The following ZNF780A variants were observed in gnomAD, a reference collection of about 807,000 sequenced individuals.
ZNF780A encodes zinc finger protein 780A.
In ZNF780A, 40 loss-of-function variants were observed where a neutral mutation model predicts 56.7. That is an observed-to-expected ratio of 0.71 (90% CI 0.55 to 0.92). The LOEUF (loss-of-function observed/expected upper bound fraction) is 0.92. ZNF780A is among the 40% of genes least tolerant of loss of function. The pLI, the probability that ZNF780A is intolerant of heterozygous loss-of-function variation, is 0.00. For missense variants in ZNF780A, 672 were observed against 783.3 expected (o/e 0.86, Z 1.70); for synonymous variants, 231 against 248.3 (o/e 0.93, Z 0.66).
chr19:40,089,788 G>A (rs976184509), intron 2 of ZNF780A, among the ~76,000 whole-genome samples: 2 of 152,036 alleles, frequency 1.3e-5, no homozygotes, highest in Non-Finnish European at 2.9e-5. Context: ...TTCCACTACC[G>A]AATGCCTCAC....
At position 40,075,797 on chromosome 19, in the gene ZNF780A, A is replaced by G. The variant is rs763416951; in HGVS notation, c.645T>C (p.His215=). ...HIQFTRHQKF[H]TGEKPFECNE... is the part of the protein sequence containing the mutation. ...TACATTCAAAAGGTTTCTCACCAGT[A>G]TGAAATTTCTGATGTCGAGTAAATT... Residue 215 remains histidine (H), a synonymous_variant, in exon 6 of 6, where the codon CAT becomes CAC. Transcript: ENST00000683561. 6.2e-7 allele frequency: 1 copy of G among 1,614,042 alleles called. No individual in the cohort carries two copies. The highest frequency in any genetic ancestry group is 8.5e-7 in the Non-Finnish European group (1 of 1,179,968).
chr19:40,076,233 C>T (rs372463483), intron 5 of ZNF780A, 24 bp from the exon 6 acceptor site: 45 of 1,527,388 alleles, frequency 2.9e-5, no homozygotes, highest in Admixed American at 4.6e-5. Context: ...AGAAAGCAAA[C>T]CTATTTTATT....
At position 40,075,336 on chromosome 19, in the gene ZNF780A, G is replaced by T. The variant is rs773036062; in HGVS notation, c.1106C>A (p.Ala369Asp). 1 of 1,613,826 alleles carries T rather than the reference G, an allele frequency of 6.2e-7. No homozygotes were observed. The highest frequency in any genetic ancestry group is 8.5e-7 in the Non-Finnish European group (1 of 1,179,976). ...KPFECRECGK[A>D]FSLLNQLNRH... ...ATTAAGCTGGTTGAGAAGACTAAAG[G>T]CCTTCCCACATTCCCTGCATTCAAA... Residue 369 changes from alanine to aspartate, a missense_variant, in exon 6 of 6, where the codon GCC becomes GAC. By Grantham distance (126) the Ala-to-Asp change is moderately radical. Coordinates refer to ENST00000683561, the MANE Select transcript of ZNF780A (RefSeq NM_001142578.2).
chr19:40,074,218 C>T lies in ZNF780A; in HGVS notation c.*298G>A. ...TCGCCAGTATGAATGACCTGAAGTCCAGCAAGCTGTGTCAGAAAACTGAAG... is the reference window on the plus strand; with the variant it reads ...TCGCCAGTATGAATGACCTGAAGTCTAGCAAGCTGTGTCAGAAAACTGAAG... On this transcript the variant is annotated 3_prime_UTR_variant, in exon 6 of 6. Transcript: ENST00000683561. 1 of 1,421,876 alleles carries T rather than the reference C, an allele frequency of 7.0e-7. No homozygotes were observed. Among genetic ancestry groups the T allele is most frequent in the Non-Finnish European group, 9.3e-7 (1 of 1,078,220 alleles). The allele number at this position is 1,421,876 out of a possible 1,614,324, so 88.1% of individuals were successfully genotyped here.
intron 2 of ZNF780A, among the ~76,000 whole-genome samples, chr19:40,086,941 G>A (rs1974834510): frequency 6.6e-6 from 1 of 152,090 alleles, no homozygotes; most frequent in Non-Finnish European, 1.5e-5. Flanking sequence ...GACCTCAAAT[G>A]ATCTGCCTGC....
chr19:40,076,609 A>G (rs1974147854), intron 5 of ZNF780A, among the ~76,000 whole-genome samples: 1 of 152,202 alleles, frequency 6.6e-6, no homozygotes, highest in Non-Finnish European at 1.5e-5. Context: ...CTCACATTGG[A>G]AAAGAAAATC....
chr19:40,079,175 G>A (rs1195223441), intron 5 of ZNF780A, among the ~76,000 whole-genome samples: 2 of 152,074 alleles, frequency 1.3e-5, no homozygotes, highest in African/African-American at 4.8e-5. Context: ...AACCAAAAGT[G>A]AGCAGGAATA....
rs756234237 is a variant in ZNF780A at position 40,076,162 on chromosome 19, T to C, written c.280A>G (p.Thr94Ala). The change falls in exon 6 of 6, where the codon ACC (threonine) becomes GCC (alanine). Residue 94 changes from threonine to alanine, a missense_variant. Physicochemically the swap from Thr to Ala is moderately conservative, Grantham distance 58. Transcript: ENST00000683561. ...TGTTTGGGTAAATTTACTTCAGAGGTATCATTTTCTGGAGATACTTTCTCA... is the reference window on the plus strand; with the variant it reads ...TGTTTGGGTAAATTTACTTCAGAGGCATCATTTTCTGGAGATACTTTCTCA... ...GPEKVSPEND[T>A]SEVNLPKQVI... 1 of 1,584,186 alleles carries C rather than the reference T, an allele frequency of 6.3e-7. No homozygotes were observed. Among genetic ancestry groups the C allele is most frequent in the South Asian group, 1.2e-5 (1 of 85,554 alleles).
Position 40,075,425 on chromosome 19 carries a change from T to C in ZNF780A, c.1017A>G (p.Gly339=). 6.2e-7 allele frequency: 1 copy of C among 1,613,906 alleles called. No homozygotes were observed. The stretch of plus-strand genomic sequence containing the variant: ...GCTTTGTCAGAAGAGTAAACGCCTT[T>C]CCACATTCTTTACATTCAAAGGGTT... ...GEKPFECKEC[G]KAFTLLTKLV... is the part of the protein sequence containing the mutation. Residue 339 remains glycine, a synonymous_variant, in exon 6 of 6, where the codon GGA becomes GGG. Transcript: ENST00000683561.
At chr19:40,072,695 G>T, downstream of ZNF780A, 59 of 909,686 alleles carry the variant, frequency 6.5e-5, no homozygotes, top group Middle Eastern at 2.5e-4. Context: ...AAGGAGAAAT[G>T]TTCTAGGTCA....
chr19:40,078,908 A>G (rs1452817146), intron 5 of ZNF780A, among the ~76,000 whole-genome samples: 1 of 152,218 alleles, frequency 6.6e-6, no homozygotes, highest in Non-Finnish European at 1.5e-5. Flanking sequence ...ACAATGATGA[A>G]AAATAAAAGA....
chr19:40,075,028 G>C lies in ZNF780A; in HGVS notation c.1414C>G (p.Pro472Ala), dbSNP rs1006472980. The C allele has an allele frequency of 1.2e-6, 2 of 1,614,124 alleles. No homozygotes were observed. Among genetic ancestry groups the C allele is most frequent in the Non-Finnish European group, 1.7e-6 (2 of 1,180,022 alleles). Residue 472 changes from proline (P) to alanine (A), a missense_variant, in exon 6 of 6, where the codon CCA becomes GCA. Pro to Ala is a conservative substitution (Grantham distance 27). Coordinates refer to ENST00000683561, the MANE Select transcript of ZNF780A (RefSeq NM_001142578.2). ...EHSRIHTGDK[P>A]FECQDCGKAF... ...TTCCCACAGTCTTGACATTCAAATGGCTTGTCACCAGTATGAATTCGAGAA... is the reference window on the plus strand; with the variant it reads ...TTCCCACAGTCTTGACATTCAAATGCCTTGTCACCAGTATGAATTCGAGAA...
chr19:40,075,957 T>C lies in ZNF780A; in HGVS notation c.485A>G (p.His162Arg), dbSNP rs367550005. Residue 162 changes from histidine (H) to arginine (R), a missense_variant, in exon 6 of 6, where the codon CAT becomes CGT. Physicochemically the swap from His to Arg is conservative, Grantham distance 29. Transcript: ENST00000683561. ...ACATTCCTTACATTCATACGGTTTATGTGTATTGCAAATAAGAGAAGCATG... is the reference window on the plus strand; with the variant it reads ...ACATTCCTTACATTCATACGGTTTACGTGTATTGCAAATAAGAGAAGCATG... ...TPHASLICNT[H>R]KPYECKECGK... The C allele has an allele frequency of 3.1e-6, 5 of 1,613,600 alleles. No homozygotes were observed. Among genetic ancestry groups the C allele is most frequent in the South Asian group, 1.1e-5 (1 of 90,958 alleles).
In ZNF780A at chr19:40,081,908, G is replaced by C. The variant is rs1420233385; in HGVS notation, c.143C>G (p.Ser48Cys). The C allele has an allele frequency of 2.5e-6, 4 of 1,602,386 alleles. No individual in the cohort carries two copies. The African/African-American group carries it at 5.4e-5, about 22-fold the overall frequency. ...CGTAATTACATCTGGTTTAGAAATG[G>C]AACTTCCTGCTTAAAAGAAACGACA... ...NYSHLISLGS[S>C]ISKPDVITLL... The change falls in exon 5 of 6, where the codon TCC becomes TGC. Residue 48 changes from serine to cysteine, a missense_variant. Transcript: ENST00000683561.
chr19:40,088,567 G>A (rs1200891615), intron 2 of ZNF780A, among the ~76,000 whole-genome samples: 2 of 152,166 alleles, frequency 1.3e-5, no homozygotes, highest in Non-Finnish European at 2.9e-5. Flanking sequence ...AATGGGCACA[G>A]CCATTATGGA....
chr19:40,079,167 C>A (rs1974332840), intron 5 of ZNF780A, among the ~76,000 whole-genome samples: 1 of 151,760 alleles, frequency 6.6e-6, no homozygotes, highest in Non-Finnish European at 1.5e-5. Flanking sequence ...CAAATGGAAA[C>A]CAAAAGTGAG....
intron 2 of ZNF780A, chr19:40,089,426 C>T: frequency 1.4e-6 from 1 of 710,314 alleles, no homozygotes; most frequent in East Asian, 3.2e-5. Flanking sequence ...TGTAGAGAGT[C>T]AAGGGGAATG....
At chr19:40,081,957 A>ATTT in intron 4 of ZNF780A, 43 bp from the exon 5 acceptor site, 3 of 1,265,390 alleles carry the variant, frequency 2.4e-6, no homozygotes, top group Non-Finnish European at 3.2e-6. Context: ...TTTAATACAG[A>ATTT]TTTTTTTTTT....
chr19:40,074,021 T>C lies in ZNF780A; in HGVS notation c.*495A>G. Reference sequence around the variant, plus strand: ...TCCCACATTCTGTACATTCACAGGGTTTCATACCAGTATGAATTCTTTGAT... The same window carrying C: ...TCCCACATTCTGTACATTCACAGGGCTTCATACCAGTATGAATTCTTTGAT... On this transcript the variant is annotated 3_prime_UTR_variant, in exon 6 of 6. Transcript: ENST00000683561. 1 of 1,173,802 alleles carries C rather than the reference T, an allele frequency of 8.5e-7. No homozygotes were observed. Among genetic ancestry groups the C allele is most frequent in the African/African-American group, 1.6e-5 (1 of 62,674 alleles). The allele number at this position is 1,173,802 out of a possible 1,614,324, so 72.7% of individuals were successfully genotyped here. A position where few individuals can be genotyped will look rare whatever the true frequency, so the allele number is the denominator to read the frequency against.
Sources: gnomAD v4.1 joint callset for allele counts (sites outside exome capture counted in the v4.1 genomes callset) on GRCh38, gnomAD v4.1.1 for gene constraint, MANE v1.5 for transcripts, NCBI Gene and HGNC (gene_info 2026-07-23, HGNC 2026-07-21) for gene names.